MED26: variants seen among roughly 807,000 people sequenced by gnomAD.
MED26 encodes mediator of RNA polymerase II transcription subunit 26.
In MED26, 7 loss-of-function variants were observed where a neutral mutation model predicts 43.7. That is an observed-to-expected ratio of 0.16 (90% CI 0.09 to 0.30). The LOEUF (loss-of-function observed/expected upper bound fraction) is 0.30, where lower values mean the gene tolerates loss of function less well. MED26 is among the 10% of genes least tolerant of loss of function. The probability of loss-of-function intolerance (pLI) is 1.00; values close to 1 mark genes in which losing one functional copy is unlikely to be tolerated. For missense variants in MED26, 784 were observed against 840.6 expected, an observed-to-expected ratio of 0.93 and a Z score of 0.83; for synonymous variants, 375 against 371.1, an observed-to-expected ratio of 1.01 and a Z score of -0.12.
In MED26 at chr19:16,576,484, A is replaced by C; in HGVS notation, c.1346T>G (p.Val449Gly). The change falls in exon 3 of 3, where the codon GTG (valine) becomes GGG (glycine). Residue 449 changes from valine (V) to glycine (G), a missense_variant. This residue lies in a region of MED26 where 719 missense variants were observed against 730.9 expected (regional missense o/e 0.98). Transcript: ENST00000263390. The surrounding 1 kb of genome is among the most constrained non-coding windows in gnomAD (Gnocchi z 6.8). ...TGTCCTGGACTGCTGCTCCATGTGC[A>C]CAGGGCTGTCTGCCCGCACTGGCTC... ...QKEPVRADSP[V>G]HMEQQSRTEL... 1 of 1,614,100 alleles carries C rather than the reference A, an allele frequency of 6.2e-7. No homozygotes were observed. Among genetic ancestry groups the C allele is most frequent in the Non-Finnish European group, 8.5e-7 (1 of 1,180,014 alleles).
intron 1 of MED26, among the ~76,000 whole-genome samples, chr19:16,608,836 A>C (rs767430013): frequency 2.6e-5 from 4 of 152,188 alleles, no homozygotes; most frequent in Non-Finnish European, 5.9e-5. Flanking sequence ...AAGTTAGCCA[A>C]CTCCTGGGGT....
chr19:16,591,818 A>G (rs764111115), intron 1 of MED26, among the ~76,000 whole-genome samples: 7 of 152,146 alleles, frequency 4.6e-5, no homozygotes, highest in South Asian at 2.1e-4. Flanking sequence ...CTAATTCCGC[A>G]TGGTTTTCTC....
At chr19:16,579,388 T>G (rs2122380472) in intron 1 of MED26, among the ~76,000 whole-genome samples, 1 of 152,328 alleles carries the variant, frequency 6.6e-6, no homozygotes, top group Non-Finnish European at 1.5e-5. Flanking sequence ...AATGGATACA[T>G]GATACACGTG....
chr19:16,627,979 C>T lies in MED26; in HGVS notation c.-36G>A. The T allele has an allele frequency of 8.3e-6, 11 of 1,325,162 alleles. No individual in the cohort carries two copies. The highest frequency in any genetic ancestry group is 1.6e-5 in the South Asian group (1 of 63,104). The allele number at this position is 1,325,162 out of a possible 1,614,324, so 82.1% of individuals were successfully genotyped here. ...AGGCGGGGGGTTGCGGCCGGGCCAG[C>T]GGGCGGGCGGGCTGAGGCGGGGGAC... On this transcript the variant is annotated 5_prime_UTR_variant, in exon 1 of 3. Coordinates refer to ENST00000263390, the MANE Select transcript of MED26 (RefSeq NM_004831.5).
chr19:16,606,923 G>T (rs1397048712), intron 1 of MED26, among the ~76,000 whole-genome samples: 2 of 152,232 alleles, frequency 1.3e-5, no homozygotes, highest in African/African-American at 2.4e-5. Context: ...GGCTCTCCCT[G>T]TGTTGGTCAG....
chr19:16,604,802 G>A (rs570160137), intron 1 of MED26, among the ~76,000 whole-genome samples: 7 of 152,286 alleles, frequency 4.6e-5, no homozygotes, highest in South Asian at 4.1e-4. Context: ...CAGCGATTGC[G>A]CCACCCCTAC....
chr19:16,593,581 T>A (rs926823600), intron 1 of MED26, among the ~76,000 whole-genome samples: 1 of 152,218 alleles, frequency 6.6e-6, no homozygotes, highest in East Asian at 1.9e-4. Context: ...TCATCCACGG[T>A]TGCTGGCCAC....
At position 16,610,217 on chromosome 19, in the gene MED26, G is replaced by A. The variant is rs796146143; in HGVS notation, c.72+17655C>T. On this transcript the variant is annotated intron_variant, in intron 1 of 2. Coordinates refer to ENST00000263390, the MANE Select transcript of MED26 (RefSeq NM_004831.5). ...CAAGGCTGTAGTGAGCTATGATTGC[G>A]CTATTGCACTCCAGCCTGGACAAGT... 9.2e-5 allele frequency among the ~76,000 whole-genome samples: 14 copies of A among 152,002 alleles called. 1 individual carries two copies. The highest frequency in any genetic ancestry group is 3.1e-4 in the African/African-American group (13 of 41,440).
At chr19:16,593,995 C>T (rs1430099333) in intron 1 of MED26, among the ~76,000 whole-genome samples, 2 of 152,198 alleles carry the variant, frequency 1.3e-5, no homozygotes, top group Admixed American at 6.5e-5. Context: ...ACCTTCTTGG[C>T]AATCCTAAAG....
rs903546950 is a variant in MED26 at position 16,575,223 on chromosome 19, T to G, written c.*804A>C. Reference sequence around the variant, plus strand: ...TTGTTTTGGGGGGACTCTAGAAAGGTGAAGTTTTCTAGATGTGTACAGGAA... The same window carrying G: ...TTGTTTTGGGGGGACTCTAGAAAGGGGAAGTTTTCTAGATGTGTACAGGAA... On this transcript the variant is annotated 3_prime_UTR_variant, in exon 3 of 3. Transcript: ENST00000263390. The G allele has an allele frequency of 6.6e-6, 1 of 152,108 alleles. No homozygotes were observed. The highest frequency in any genetic ancestry group is 2.4e-5 in the African/African-American group (1 of 41,232). The allele number at this position is 152,108 out of a possible 1,614,324, so 9.4% of individuals were successfully genotyped here.
intron 1 of MED26, among the ~76,000 whole-genome samples, chr19:16,580,224 G>C (rs2086037939): frequency 6.6e-6 from 1 of 152,200 alleles, no homozygotes; most frequent in African/African-American, 2.4e-5. Context: ...CGTAACACAT[G>C]ATTGTAAACT....
chr19:16,592,445 G>C (rs1342277067), intron 1 of MED26, among the ~76,000 whole-genome samples: 1 of 152,228 alleles, frequency 6.6e-6, no homozygotes, highest in Non-Finnish European at 1.5e-5. Flanking sequence ...ATCCAGGCTG[G>C]TGGGGGACGT....
Position 16,575,974 on chromosome 19 carries a change from C to T in MED26, c.*53G>A. 10 of 1,539,754 alleles carry T rather than the reference C, an allele frequency of 6.5e-6. No homozygotes were observed. The South Asian group carries it at 1.2e-4, about 19-fold the overall frequency. On this transcript the variant is annotated 3_prime_UTR_variant, in exon 3 of 3. Transcript: ENST00000263390. ...CCCGGCCACCTGCCCACCTGCCTGC[C>T]CGCCCACCCGGCTTCTGCAAGATGG...
chr19:16,605,664 A>G (rs190162690), intron 1 of MED26, among the ~76,000 whole-genome samples: 66 of 152,240 alleles, frequency 4.3e-4, no homozygotes, highest in Admixed American at 1.9e-3. Context: ...CACTAGAGGA[A>G]AGGAGAGGAG....
At chr19:16,591,785 C>T (rs1335801021) in intron 1 of MED26, among the ~76,000 whole-genome samples, 3 of 152,322 alleles carry the variant, frequency 2.0e-5, no homozygotes, top group Middle Eastern at 3.4e-3. Flanking sequence ...AGCCACGGTG[C>T]GTCTGACAGA....
rs140419439 is a variant in MED26 at position 16,576,942 on chromosome 19, G to A, written c.888C>T (p.Ser296=). 4.7e-4 allele frequency: 753 copies of A among 1,594,418 alleles called. 2 individuals carry two copies. In the African/African-American group the frequency reaches 8.4e-3, roughly 18 times the overall value. ...GGGGCCGCGGTGAGGGGCTGGGCAC[G>A]GAGCCCTTGGGTGCATACAAGCTCT... ...RQQSLYAPKG[S]VPSPSPRPQA... The change falls in exon 3 of 3, where the codon TCC becomes TCT. Residue 296 remains serine (S), a synonymous_variant. Transcript: ENST00000263390. This position sits in a 1 kb window ranked among gnomAD's most constrained non-coding sequence, Gnocchi z 6.8.
intron 1 of MED26, chr19:16,612,065 T>A (rs1242802124): frequency 1.3e-5 from 2 of 152,120 alleles, no homozygotes; most frequent in African/African-American, 4.8e-5. Flanking sequence ...GGCTCTGAGC[T>A]CCTGCCAACA....
chr19:16,581,783 T>C (rs1021064600), intron 1 of MED26, among the ~76,000 whole-genome samples: 12 of 152,216 alleles, frequency 7.9e-5, no homozygotes, highest in Non-Finnish European at 1.8e-4. Flanking sequence ...TCCTTACCCT[T>C]GGCCCCTCCC....
At chr19:16,626,502 GACCTGAAT>G (rs1401593866) in intron 1 of MED26, among the ~76,000 whole-genome samples, 1 of 152,120 alleles carries the variant, frequency 6.6e-6, no homozygotes, top group Non-Finnish European at 1.5e-5. Context: ...ATGTTAATGG[GACCTGAAT>G]ACCAGGGATA....
Sources: allele counts gnomAD v4.1 joint callset (sites outside exome capture counted in the v4.1 genomes callset), GRCh38; gene constraint gnomAD v4.1.1; regional missense constraint gnomAD v4.1.1; non-coding constraint Gnocchi (gnomAD v3.1); transcripts MANE v1.5; gene names NCBI Gene and HGNC (gene_info 2026-07-23, HGNC 2026-07-21).